Variants in JTB observed in about 807,000 individuals in gnomAD.
JTB encodes the protein protein JTB.
Under a neutral mutation model 22.1 loss-of-function variants are expected in JTB, and 10 were observed. That is an observed-to-expected ratio of 0.45 (90% CI 0.28 to 0.77). JTB has a LOEUF of 0.77. JTB is among the 30% of genes least tolerant of loss of function. The pLI is 0.13. For synonymous variants in JTB, 83 were observed against 66.8 expected, an observed-to-expected ratio of 1.24 and a Z score of -1.18; for missense variants, 137 against 180.3, an observed-to-expected ratio of 0.76 and a Z score of 1.38.
chr1:153,976,537 G>C (rs553549552), intron 3 of JTB, among the ~76,000 whole-genome samples, 156 bp downstream of exon 3: 1 of 152,252 alleles, frequency 6.6e-6, no homozygotes, highest in South Asian at 2.1e-4. Flanking sequence ...ATTTTCAGGG[G>C]AAAGACAAGT....
rs765208802 is a variant in JTB, at chr1:153,977,029, G to C, written c.84-16C>G. The C allele has an allele frequency of 9.9e-6, 16 of 1,614,084 alleles. No individual in the cohort carries two copies. The Admixed American group carries it at 2.2e-4, about 22-fold the overall frequency. ...CTCTGCTTGGCTGTAGCGGAGTTGG[G>C]GGAAGGGACAAAAGTCAAAACCCAG... On this transcript the variant is annotated splice_polypyrimidine_tract_variant and intron_variant, in intron 1 of 4. Transcript: ENST00000271843.
In JTB at chr1:153,975,924, C is replaced by G; in HGVS notation, c.205-19G>C. Reference sequence around the variant, plus strand: ...TAGTTTTCTGCCAGGAGAAAAGGAGCAAAGTACATGTTAGGAAGGGGCAAC... The same window carrying G: ...TAGTTTTCTGCCAGGAGAAAAGGAGGAAAGTACATGTTAGGAAGGGGCAAC... On this transcript the variant is annotated intron_variant, in intron 3 of 4. Coordinates refer to ENST00000271843, the MANE Select transcript of JTB (RefSeq NM_006694.4). 6.3e-7 allele frequency: 1 copy of G among 1,585,434 alleles called. No homozygotes were observed. The highest frequency in any genetic ancestry group is 8.7e-7 in the Non-Finnish European group (1 of 1,154,038).
In JTB at chr1:153,977,330, G is replaced by A; in HGVS notation, c.-78C>T. 1.3e-6 allele frequency: 2 copies of A among 1,575,376 alleles called. No homozygotes were observed. The highest frequency in any genetic ancestry group is 1.2e-5 in the South Asian group (1 of 85,928). ...CGTGCCTCCGTCGGAGCGCAGAGGC[G>A]GCACTTACTCTGCAGCCCTCCCAGA... On this transcript the variant is annotated 5_prime_UTR_variant, in exon 1 of 5. Coordinates refer to ENST00000271843, the MANE Select transcript of JTB (RefSeq NM_006694.4).
intron 4 of JTB, among the ~76,000 whole-genome samples, chr1:153,975,119 G>A (rs759637297): frequency 2.0e-5 from 3 of 152,090 alleles, no homozygotes; most frequent in African/African-American, 4.8e-5. Flanking sequence ...TCCAAATCCC[G>A]TCTTCTTTCT....
At chr1:153,976,860 C>A in intron 2 of JTB, 85 bp from the exon 3 acceptor site, 3 of 1,594,356 alleles carry the variant, frequency 1.9e-6, no homozygotes, top group Non-Finnish European at 2.6e-6. Context: ...CGGCACAGCG[C>A]TTGCCCTCAT....
chr1:153,977,175 C>A lies in JTB; in HGVS notation c.78G>T (p.Lys26Asn), dbSNP rs1489202487. The change falls in exon 1 of 5, where the codon AAG becomes AAT. Residue 26 changes from lysine to asparagine, a missense_variant. Transcript: ENST00000271843. The stretch of plus-strand genomic sequence containing the variant: ...TCCCCTTACCTCCTCCTTACCAGAG[C>A]TTTAAGGTGAAAGCACAGAGCAACC... ...LCWLLCAFTL[K>N]LCQAEAPVQE... 2.5e-6 allele frequency: 4 copies of A among 1,614,230 alleles called. No homozygotes were observed. The highest frequency in any genetic ancestry group is 2.5e-6 in the Non-Finnish European group (3 of 1,180,046).
chr1:153,975,788 C>A, intron 4 of JTB, 38 bp downstream of exon 4: 2 of 1,516,460 alleles, frequency 1.3e-6, no homozygotes, highest in Non-Finnish European at 1.8e-6. Context: ...GTCATAGGAG[C>A]AAAGGAGGTG....
rs879816622 is a variant in JTB at position 153,977,504 on chromosome 1, G to GAA, written c.-254_-253dup. The stretch of plus-strand genomic sequence containing the variant: ...CTGCGGGGTCCGCAGGGCGCTGGAG[G>GAA]AAGGGCCGGCGGGGGCTCGCGGCCC... On this transcript the variant is annotated 5_prime_UTR_variant, in exon 1 of 5. Coordinates refer to ENST00000271843, the MANE Select transcript of JTB (RefSeq NM_006694.4). The GAA allele has an allele frequency of 1.3e-5, 16 of 1,207,190 alleles. No individual in the cohort carries two copies. Among genetic ancestry groups the GAA allele is most frequent in the Non-Finnish European group, 1.7e-5 (16 of 966,306 alleles). 74.8% of individuals were successfully genotyped at this position (1,207,190 alleles called of 1,614,324 possible). A position where few individuals can be genotyped will look rare whatever the true frequency, so the allele number is the denominator to read the frequency against.
chr1:153,977,445 A>C lies in JTB; in HGVS notation c.-193T>G. 1.5e-6 allele frequency: 2 copies of C among 1,366,430 alleles called. No individual in the cohort carries two copies. Among genetic ancestry groups the C allele is most frequent in the East Asian group, 2.8e-5 (1 of 35,334 alleles). The allele number at this position is 1,366,430 out of a possible 1,614,324, so 84.6% of individuals were successfully genotyped here. A position where few individuals can be genotyped will look rare whatever the true frequency, so the allele number is the denominator to read the frequency against. ...CCCGTTGCCACAGCGAGAAAAATCG[A>C]TATGTTTTTGCGGGCTAGGGAGGCG... On this transcript the variant is annotated 5_prime_UTR_variant, in exon 1 of 5. Transcript: ENST00000271843.
chr1:153,974,513 C>A lies in JTB; in HGVS notation c.*166G>T. 1 of 552,674 alleles carries A rather than the reference C, an allele frequency of 1.8e-6. No homozygotes were observed. The highest frequency in any genetic ancestry group is 3.1e-6 in the Non-Finnish European group (1 of 327,244). 34.2% of individuals were successfully genotyped at this position (552,674 alleles called of 1,614,324 possible). A position where few individuals can be genotyped will look rare whatever the true frequency, so the allele number is the denominator to read the frequency against. On this transcript the variant is annotated 3_prime_UTR_variant, in exon 5 of 5. Transcript: ENST00000271843. ...CTCCAAGTTACAGAAGGGAAGGAAA[C>A]CATTTTACTCTTTTTATTCTGCTCA...
rs113118982 is a variant in JTB, at chr1:153,974,387, G to T, written c.*292C>A. 2 of 420,072 alleles carry T rather than the reference G, an allele frequency of 4.8e-6. No homozygotes were observed. Among genetic ancestry groups the T allele is most frequent in the African/African-American group, 3.9e-5 (2 of 51,144 alleles). 26.0% of individuals were successfully genotyped at this position (420,072 alleles called of 1,614,324 possible). On this transcript the variant is annotated 3_prime_UTR_variant, in exon 5 of 5. Transcript: ENST00000271843. ...GTATCCCAGAAGTTTGAAATAAGTA[G>T]TAGAAGAGGGGGAAAACAAGGGAGA... is the stretch of plus-strand genomic sequence containing the variant.
Position 153,977,628 on chromosome 1 carries a change from G to A in JTB, c.-376C>T, listed in dbSNP as rs1157518485. The stretch of plus-strand genomic sequence containing the variant: ...CGAGCTCGGGGCCCGGTGTTCCCGG[G>A]GGCGTTCGGTCGTCGCCCGCTGGGG... On this transcript the variant is annotated 5_prime_UTR_variant, in exon 1 of 5. Transcript: ENST00000271843. The A allele has an allele frequency of 1.2e-5, 12 of 1,013,254 alleles. No individual in the cohort carries two copies. Among genetic ancestry groups the A allele is most frequent in the African/African-American group, 3.5e-5 (2 of 57,744 alleles). The allele number at this position is 1,013,254 out of a possible 1,614,324, so 62.8% of individuals were successfully genotyped here.
chr1:153,975,751 G>A, intron 4 of JTB, 75 bp downstream of exon 4: 1 of 1,179,670 alleles, frequency 8.5e-7, no homozygotes, highest in Admixed American at 1.8e-5. Flanking sequence ...CCCAGACCAG[G>A]GGAAAAGGTG....
At chr1:153,975,441 GAC>G (rs1648761694) in intron 4 of JTB, among the ~76,000 whole-genome samples, 2 of 40,922 alleles carry the variant, frequency 4.9e-5, no homozygotes, top group African/African-American at 8.5e-5. Flanking sequence ...TTTTTTTTTT[GAC>G]ACACAGTCTC....
chr1:153,976,745 A>T lies in JTB; in HGVS notation c.152T>A (p.Val51Glu). 3 of 1,614,152 alleles carry T rather than the reference A, an allele frequency of 1.9e-6. No homozygotes were observed. Among genetic ancestry groups the T allele is most frequent in the Non-Finnish European group, 2.5e-6 (3 of 1,180,024 alleles). Reference sequence around the variant, plus strand: ...CTCTTCTGCTACCACAAACTCTTCCACCAGCCAGCATGGCAAATTTGAGGT... The same window carrying T: ...CTCTTCTGCTACCACAAACTCTTCCTCCAGCCAGCATGGCAAATTTGAGGT... ...ASTSNLPCWL[V>E]EEFVVAEECS... is the part of the protein sequence containing the mutation. Residue 51 changes from valine (V) to glutamate (E), a missense_variant, in exon 3 of 5, where the codon GTG becomes GAG. Physicochemically the swap from Val to Glu is moderately radical, Grantham distance 121 (BLOSUM62 -2). Coordinates refer to ENST00000271843, the MANE Select transcript of JTB (RefSeq NM_006694.4).
At position 153,975,925 on chromosome 1, in the gene JTB, A is replaced by T; in HGVS notation, c.205-20T>A. 1 of 1,581,872 alleles carries T rather than the reference A, an allele frequency of 6.3e-7. No individual in the cohort carries two copies. The highest frequency in any genetic ancestry group is 8.7e-7 in the Non-Finnish European group (1 of 1,150,686). On this transcript the variant is annotated intron_variant, in intron 3 of 4. Coordinates refer to ENST00000271843, the MANE Select transcript of JTB (RefSeq NM_006694.4). ...AGTTTTCTGCCAGGAGAAAAGGAGC[A>T]AAGTACATGTTAGGAAGGGGCAACA...
chr1:153,977,548 G>T lies in JTB; in HGVS notation c.-296C>A. ...GCGGCCCTAGCGCCCGCTCACCTCC[G>T]CTCCCGCCCCCGACGCAGCCATCTA... On this transcript the variant is annotated 5_prime_UTR_variant, in exon 1 of 5. Coordinates refer to ENST00000271843, the MANE Select transcript of JTB (RefSeq NM_006694.4). 1 of 1,122,656 alleles carries T rather than the reference G, an allele frequency of 8.9e-7. No individual in the cohort carries two copies. Among genetic ancestry groups the T allele is most frequent in the Non-Finnish European group, 1.1e-6 (1 of 915,274 alleles). The allele number at this position is 1,122,656 out of a possible 1,614,324, so 69.5% of individuals were successfully genotyped here.
In JTB at chr1:153,977,000, G is replaced by C. The variant is rs746057733; in HGVS notation, c.97C>G (p.Pro33Ala). 1 of 1,614,168 alleles carries C rather than the reference G, an allele frequency of 6.2e-7. No homozygotes were observed. Among genetic ancestry groups the C allele is most frequent in the Admixed American group, 1.7e-5 (1 of 60,022 alleles). The change falls in exon 2 of 5, where the codon CCC (proline) becomes GCC (alanine). Residue 33 changes from proline to alanine, a missense_variant. By Grantham distance (27) the Pro-to-Ala change is conservative (BLOSUM62 -1). Coordinates refer to ENST00000271843, the MANE Select transcript of JTB (RefSeq NM_006694.4). ...CCTGACAGCTTCTCTTCCTGCACGG[G>C]AGCCTCTGCTTGGCTGTAGCGGAGT... Reference protein sequence around the residue: ...FTLKLCQAEAPVQEEKLSAST... With the variant: ...FTLKLCQAEAAVQEEKLSAST...
chr1:153,975,300 T>TA (rs1285619974), intron 4 of JTB, among the ~76,000 whole-genome samples: 2 of 151,908 alleles, frequency 1.3e-5, no homozygotes, highest in East Asian at 3.9e-4. Flanking sequence ...TTTGTATCTT[T>TA]AAGAGAGATG....
Sources: gnomAD v4.1 joint callset for allele counts (sites outside exome capture counted in the v4.1 genomes callset) on GRCh38, gnomAD v4.1.1 for gene constraint, MANE v1.5 for transcripts, NCBI Gene and HGNC (gene_info 2026-07-23, HGNC 2026-07-21) for gene names.